ATPAF1: variants seen among roughly 807,000 people sequenced by gnomAD.
ATPAF1 encodes ATP synthase mitochondrial F1 complex assembly factor 1.
A neutral mutation model predicts 43.9 loss-of-function variants in ATPAF1; 26 were observed. The ratio of observed to expected loss-of-function variants is 0.59; its 90% confidence interval spans 0.43 to 0.82. ATPAF1 has a LOEUF of 0.82. Ranked by LOEUF, ATPAF1 falls within the 40% of genes least tolerant of loss-of-function variation. The pLI is 0.00. For missense variants in ATPAF1, 366 were observed against 435.0 expected (o/e 0.84, Z 1.41); for synonymous variants, 157 against 168.0 (o/e 0.93, Z 0.50).
Position 46,668,262 on chromosome 1 carries a change from C to A in ATPAF1, c.61G>T (p.Gly21Cys). The change falls in exon 1 of 9, where the codon GGT becomes TGT. Residue 21 changes from glycine to cysteine, a missense_variant. Physicochemically the swap from Gly to Cys is radical, Grantham distance 159. Coordinates refer to ENST00000574428, the Ensembl canonical transcript of ATPAF1. This position sits in a 1 kb window ranked among gnomAD's most constrained non-coding sequence, Gnocchi z 4.4. ...ACCGCGCACAGGCCCCGGTAGAGAC[C>A]GGCCACCTGCAGGACCGCCGGTCCC... 1 of 1,389,432 alleles carries A rather than the reference C, an allele frequency of 7.2e-7. No individual in the cohort carries two copies. Among genetic ancestry groups the A allele is most frequent in the Non-Finnish European group, 9.4e-7 (1 of 1,068,080 alleles). The allele number at this position is 1,389,432 out of a possible 1,614,324, so 86.1% of individuals were successfully genotyped here.
intron 2 of ATPAF1, among the ~76,000 whole-genome samples, chr1:46,659,147 C>T (rs907862948): frequency 6.6e-5 from 10 of 151,904 alleles, no homozygotes; most frequent in East Asian, 1.9e-4. Flanking sequence ...GCCGAGATCA[C>T]GCCACTGCAC....
At chr1:46,654,996 C>A (rs1443338762) in intron 4 of ATPAF1, among the ~76,000 whole-genome samples, 1 of 152,022 alleles carries the variant, frequency 6.6e-6, no homozygotes, top group Non-Finnish European at 1.5e-5. Context: ...GCTGGGAAGG[C>A]GTTAAGAATC....
chr1:46,668,046 C>G lies in ATPAF1; in HGVS notation c.266+11G>C. 1 of 1,385,282 alleles carries G rather than the reference C, an allele frequency of 7.2e-7. No individual in the cohort carries two copies. The highest frequency in any genetic ancestry group is 9.4e-7 in the Non-Finnish European group (1 of 1,067,976). 85.8% of individuals were successfully genotyped at this position (1,385,282 alleles called of 1,614,324 possible). ...GCCTCCTGCCCGCCTCCAGCCAACC[C>G]AGGCCCGCACCTGCGCAGCAGCTGG... On this transcript the variant is annotated intron_variant, in intron 1 of 8. Transcript: ENST00000574428. The surrounding 1 kb of genome is among the most constrained non-coding windows in gnomAD (Gnocchi z 4.4).
At chr1:46,637,178 G>A (rs1675856688) in intron 8 of ATPAF1, among the ~76,000 whole-genome samples, 2 of 152,202 alleles carry the variant, frequency 1.3e-5, no homozygotes, top group Admixed American at 1.3e-4. Flanking sequence ...GAAATGGTGA[G>A]CAATAGCAGA....
rs1676344417 is a variant in ATPAF1, at chr1:46,659,513, C to CTAGGTT, written c.376-777_376-776insAACCTA. Among the ~76,000 whole-genome samples the CTAGGTT allele has an allele frequency of 4.1e-5, 6 of 146,018 alleles. No individual in the cohort carries two copies. In the South Asian group the frequency reaches 1.1e-3, roughly 27 times the overall value. The stretch of plus-strand genomic sequence containing the variant: ...TTTGATGGTAGGCATCCTCAGCAGA[C>CTAGGTT]TAGAGTCATTTTGAGTGTTCAATCT... On this transcript the variant is annotated intron_variant, in intron 2 of 8. Transcript: ENST00000574428.
intron 3 of ATPAF1, among the ~76,000 whole-genome samples, chr1:46,658,441 G>C (rs776127800): frequency 6.6e-6 from 1 of 152,156 alleles, no homozygotes; most frequent in Non-Finnish European, 1.5e-5. Context: ...CCTTACCAAT[G>C]AGTCCTGCGG....
At chr1:46,635,674 A>G in exon 9 of ATPAF1, 1 of 1,185,788 alleles carries the variant, frequency 8.4e-7, no homozygotes, top group Non-Finnish European at 1.2e-6. Context: ...CTCATTACCA[A>G]CTGCTCATTA....
At position 46,654,689 on chromosome 1, in the gene ATPAF1, C is replaced by A. The variant is rs897429524; in HGVS notation, c.490-822G>T. ...ATTTCTCCTAATGATATCCCTCCCC[C>A]AGCCCTCCACCCCCTGACAGGCCCC... On this transcript the variant is annotated intron_variant, in intron 4 of 8. Coordinates refer to ENST00000574428, the Ensembl canonical transcript of ATPAF1. Among the ~76,000 whole-genome samples the A allele has an allele frequency of 5.9e-5, 9 of 152,058 alleles. No homozygotes were observed. The South Asian group carries it at 1.9e-3, about 32-fold the overall frequency.
At chr1:46,648,719 T>G (rs983330041) in intron 6 of ATPAF1, among the ~76,000 whole-genome samples, 2 of 152,182 alleles carry the variant, frequency 1.3e-5, no homozygotes, top group African/African-American at 4.8e-5. Flanking sequence ...GGCTCATGCC[T>G]GTAATCTTAG....
chr1:46,651,375 A>C (rs1676166775), intron 6 of ATPAF1, among the ~76,000 whole-genome samples: 1 of 152,026 alleles, frequency 6.6e-6, no homozygotes, highest in East Asian at 1.9e-4. Flanking sequence ...TATATGTGCC[A>C]CATTTTCTTA....
intron 8 of ATPAF1, among the ~76,000 whole-genome samples, chr1:46,638,387 G>A (rs1190762323): frequency 6.6e-6 from 1 of 152,198 alleles, no homozygotes; most frequent in African/African-American, 2.4e-5. Flanking sequence ...GGGAGGCCGA[G>A]GTGGGCGGAT....
intron 5 of ATPAF1, 41 bp from the exon 6 acceptor site, chr1:46,652,669 A>C (rs367715157): frequency 5.4e-4 from 848 of 1,563,768 alleles, no homozygotes; most frequent in Non-Finnish European, 5.7e-4. Context: ...ACACATAGTA[A>C]AACACAAAAG....
chr1:46,656,702 G>C (rs571913703), intron 4 of ATPAF1, among the ~76,000 whole-genome samples: 49 of 152,238 alleles, frequency 3.2e-4, no homozygotes, highest in African/African-American at 1.2e-3. Context: ...AATGATACTT[G>C]TCATATGATC....
At chr1:46,664,377 A>G (rs919815997) in intron 2 of ATPAF1, among the ~76,000 whole-genome samples, 1 of 152,220 alleles carries the variant, frequency 6.6e-6, no homozygotes, top group East Asian at 1.9e-4. Context: ...GAGAAGTAAC[A>G]ATTTGCTCAG....
intron 8 of ATPAF1, among the ~76,000 whole-genome samples, chr1:46,639,886 G>C (rs1675918886): frequency 6.6e-6 from 1 of 152,210 alleles, no homozygotes; most frequent in Admixed American, 6.5e-5. Context: ...ACAGCAGTTT[G>C]AGACCACCAG....
chr1:46,646,979 G>GC (rs1676055167), intron 6 of ATPAF1, among the ~76,000 whole-genome samples: 1 of 152,156 alleles, frequency 6.6e-6, no homozygotes, highest in Non-Finnish European at 1.5e-5. Flanking sequence ...CTTTCAGTCA[G>GC]CATAACTGTT....
chr1:46,654,300 A>G lies in ATPAF1; in HGVS notation c.490-433T>C, dbSNP rs532107070. Among the ~76,000 whole-genome samples the G allele has an allele frequency of 6.0e-4, 92 of 152,240 alleles. 1 individual carries two copies. Among genetic ancestry groups the G allele is most frequent in the Admixed American group, 6.0e-3 (92 of 15,280 alleles). On this transcript the variant is annotated intron_variant, in intron 4 of 8. Coordinates refer to ENST00000574428, the Ensembl canonical transcript of ATPAF1. ...TCAGCTCCAGTCATTTACTAGCTAT[A>G]CTACCTTGGGCAAATTACTGAAAAC... is the stretch of plus-strand genomic sequence containing the variant.
intron 4 of ATPAF1, among the ~76,000 whole-genome samples, chr1:46,655,728 CCT>C (rs1014378403): frequency 3.9e-5 from 6 of 152,150 alleles, no homozygotes; most frequent in African/African-American, 1.4e-4. Context: ...CTCTCTCCTA[CCT>C]CTGACCTCCC....
In ATPAF1 at chr1:46,635,884, G is replaced by C. The variant is rs139683803; in HGVS notation, c.879C>G (p.Thr293=). The C allele has an allele frequency of 2.5e-3, 4,017 of 1,614,248 alleles. 13 individuals carry two copies. Among genetic ancestry groups the C allele is most frequent in the Non-Finnish European group, 3.0e-3 (3,575 of 1,180,044 alleles). ...TGAACTCATTTGGTCTGAGGTTAAA[G>C]GTCTCCACTAACCCGTAGGTCTCTT... The change falls in exon 9 of 9, where the codon ACC becomes ACG. Residue 293 remains threonine, a synonymous_variant. Coordinates refer to ENST00000574428, the Ensembl canonical transcript of ATPAF1.
Sources: gnomAD v4.1 joint callset for allele counts (sites outside exome capture counted in the v4.1 genomes callset) on GRCh38, gnomAD v4.1.1 for gene constraint, Gnocchi (gnomAD v3.1) non-coding constraint, MANE v1.5 for transcripts, NCBI Gene and HGNC (gene_info 2026-07-23, HGNC 2026-07-21) for gene names.